The following OBP2B variants were observed in gnomAD, a reference collection of about 807,000 sequenced individuals.
OBP2B encodes the protein odorant-binding protein 2b.
In OBP2B, 10 loss-of-function variants were observed where a neutral mutation model predicts 21.7. The observed-to-expected ratio is 0.46, with a 90% CI of 0.28 to 0.78. The LOEUF is 0.78. Among genes scored for constraint, OBP2B ranks in the 30% least tolerant of loss-of-function variants. The pLI is 0.11. For synonymous variants in OBP2B, 73 were observed against 91.5 expected (o/e 0.80, Z 1.16); for missense variants, 153 against 217.7 (o/e 0.70, Z 1.87).
Position 133,206,354 on chromosome 9 carries a change from C to G in OBP2B, c.451G>C (p.Gly151Arg), listed in dbSNP as rs1833709446. 1 of 1,613,998 alleles carries G rather than the reference C, an allele frequency of 6.2e-7. No individual in the cohort carries two copies. Among genetic ancestry groups the G allele is most frequent in the South Asian group, 1.1e-5 (1 of 91,080 alleles). The change falls in exon 5 of 7, where the codon GGA becomes CGA. Residue 151 changes from glycine to arginine, a missense_variant. Transcript: ENST00000372034. ...GTGAAAATGTCCTCCTCCGAGAGTCCCTTGCGCTGCACCAATTTCTTAAAT... is the reference window on the plus strand; with the variant it reads ...GTGAAAATGTCCTCCTCCGAGAGTCGCTTGCGCTGCACCAATTTCTTAAAT... Reference protein sequence around the residue: ...EEFKKLVQRKGLSEEDIFTPL... With the variant: ...EEFKKLVQRKRLSEEDIFTPL...
the OBP2B span, among the ~76,000 whole-genome samples, chr9:133,218,831 T>C: frequency 2.6e-5 from 4 of 151,964 alleles, no homozygotes; most frequent in African/African-American, 4.8e-5. Flanking sequence ...AGGAAAGAGA[T>C]AGGAGAGCCC....
chr9:133,211,156 A>G (rs1833910328), upstream of OBP2B, among the ~76,000 whole-genome samples: 1 of 151,670 alleles, frequency 6.6e-6, no homozygotes, highest in Non-Finnish European at 1.5e-5. Flanking sequence ...GCACCACCAA[A>G]CAAGCACCTA....
chr9:133,207,935 T>C, intron 3 of OBP2B, 198 bp downstream of exon 3: 1 of 1,534,400 alleles, frequency 6.5e-7, no homozygotes, highest in Non-Finnish European at 8.7e-7. Context: ...CCATCTCGAC[T>C]GCGGACAAGC....
chr9:133,206,914 G>T (rs1478768542), intron 4 of OBP2B, among the ~76,000 whole-genome samples: 2 of 151,934 alleles, frequency 1.3e-5, no homozygotes, highest in Admixed American at 6.5e-5. Context: ...GCCCTGGAGG[G>T]TCCCTGCCCC....
rs140009577 is a variant in OBP2B, at chr9:133,209,167, G to A, written c.33C>T (p.Gly11=). 33,870 of 1,600,982 alleles carry A rather than the reference G, an allele frequency of 0.021. 179 individuals are homozygous for A. Among genetic ancestry groups the A allele is most frequent in the Non-Finnish European group, 0.024 (27,740 of 1,173,392 alleles). The change falls in exon 1 of 7, where the codon GGC becomes GGT. Residue 11 remains glycine (G), a synonymous_variant. Transcript: ENST00000372034. The surrounding 1 kb of genome is among the most constrained non-coding windows in gnomAD (Gnocchi z 6.0). MKTLFLGVTL[G]LAAALSFTLE... ...GGGTGAAGGACAGGGCAGCGGCCAG[G>A]CCGAGCGTGACACCCAGGAACAGGG...
At chr9:133,212,792 G>A (rs1284732901), upstream of OBP2B, among the ~76,000 whole-genome samples, 2 of 151,900 alleles carry the variant, frequency 1.3e-5, no homozygotes, top group African/African-American at 4.8e-5. Context: ...CTAGCTGAGT[G>A]TGGTGGTGCA....
intron 4 of OBP2B, 33 bp downstream of exon 4, chr9:133,207,193 G>A: frequency 7.0e-7 from 1 of 1,435,756 alleles, no homozygotes; most frequent in Non-Finnish European, 9.8e-7. Flanking sequence ...GAGACCGTGG[G>A]GCAGGACACG....
intron 1 of OBP2B, among the ~76,000 whole-genome samples, chr9:133,208,850 C>A (rs565043911): frequency 8.2e-4 from 125 of 152,132 alleles, no homozygotes; most frequent in African/African-American, 2.9e-3. Flanking sequence ...GCCCCAGCAC[C>A]AGGTGAGCCC....
chr9:133,205,507 G>A (rs1180495810), intron 6 of OBP2B, 96 bp from the exon 7 acceptor site: 70 of 865,798 alleles, frequency 8.1e-5, no homozygotes, highest in Middle Eastern at 3.6e-4. Context: ...CCCCCACATC[G>A]GCCACTGCTG....
At chr9:133,207,832 C>T in intron 3 of OBP2B, 1 of 1,481,700 alleles carries the variant, frequency 6.7e-7, no homozygotes, top group Non-Finnish European at 9.0e-7. Flanking sequence ...CCCTCAGCCT[C>T]CCCGTACCTA....
intron 3 of OBP2B, 40 bp from the exon 4 acceptor site, chr9:133,207,376 C>T (rs782158421): frequency 7.7e-7 from 1 of 1,304,032 alleles, no homozygotes; most frequent in Non-Finnish European, 1.1e-6. Context: ...CCAGAGAGAA[C>T]ACTCGGGGCC....
chr9:133,222,423 A>G, the OBP2B span, among the ~76,000 whole-genome samples: 8 of 152,294 alleles, frequency 5.3e-5, no homozygotes, highest in Admixed American at 4.6e-4. Flanking sequence ...TGTTTCTCCT[A>G]CAATGCAGAA....
At chr9:133,212,936 C>T (rs1368847085), upstream of OBP2B, among the ~76,000 whole-genome samples, 1 of 149,948 alleles carries the variant, frequency 6.7e-6, no homozygotes, top group Non-Finnish European at 1.5e-5. Flanking sequence ...TCAAAAAAAA[C>T]AAAAACAGGC....
the OBP2B span, among the ~76,000 whole-genome samples, chr9:133,219,914 T>C: frequency 6.6e-6 from 1 of 152,192 alleles, no homozygotes; most frequent in Non-Finnish European, 1.5e-5. Flanking sequence ...GGTGGTATTA[T>C]CCACACAATG....
At position 133,206,301 on chromosome 9, in the gene OBP2B, A is replaced by T. The variant is rs782207071; in HGVS notation, c.490+14T>A. 1 of 1,611,514 alleles carries T rather than the reference A, an allele frequency of 6.2e-7. No homozygotes were observed. Among genetic ancestry groups the T allele is most frequent in the South Asian group, 1.1e-5 (1 of 91,030 alleles). On this transcript the variant is annotated intron_variant, in intron 5 of 6. Transcript: ENST00000372034. ...AGCAGAGGGACACAGGGGACTGGGCACAGCCATCCTCACCCGTCTGCAGGG... is the reference window on the plus strand; with the variant it reads ...AGCAGAGGGACACAGGGGACTGGGCTCAGCCATCCTCACCCGTCTGCAGGG...
chr9:133,213,451 G>C (rs1833940342), upstream of OBP2B, among the ~76,000 whole-genome samples: 1 of 152,012 alleles, frequency 6.6e-6, no homozygotes, highest in Non-Finnish European at 1.5e-5. Context: ...ATCAAAAGCA[G>C]AAAGCAGAAA....
the OBP2B span, among the ~76,000 whole-genome samples, chr9:133,215,667 C>T: frequency 1.3e-5 from 2 of 152,138 alleles, no homozygotes; most frequent in Non-Finnish European, 2.9e-5. Context: ...TACAGATGCA[C>T]ACCACCATAC....
chr9:133,213,318 T>C (rs1833939121), upstream of OBP2B, among the ~76,000 whole-genome samples: 1 of 152,108 alleles, frequency 6.6e-6, no homozygotes, highest in Admixed American at 6.6e-5. Context: ...ATGCATATAT[T>C]AGAAAAGAGA....
rs1311508286 is a variant in OBP2B, at chr9:133,209,022, T to C, written c.72+106A>G. ...ACCACCCCAGGCTGGGAGCACGGGG[T>C]CAGAAGCCAGCCTTCAGTGACACCT... On this transcript the variant is annotated intron_variant, in intron 1 of 6. Coordinates refer to ENST00000372034, the MANE Select transcript of OBP2B (RefSeq NM_014581.4). This position sits in a 1 kb window ranked among gnomAD's most constrained non-coding sequence, Gnocchi z 6.0. 1 of 1,289,596 alleles carries C rather than the reference T, an allele frequency of 7.8e-7. No individual in the cohort carries two copies. Among genetic ancestry groups the C allele is most frequent in the African/African-American group, 1.5e-5 (1 of 66,282 alleles). 79.9% of individuals were successfully genotyped at this position (1,289,596 alleles called of 1,614,324 possible).
Sources: gnomAD v4.1 joint callset for allele counts (sites outside exome capture counted in the v4.1 genomes callset) on GRCh38, gnomAD v4.1.1 for gene constraint, Gnocchi (gnomAD v3.1) non-coding constraint, MANE v1.5 for transcripts, NCBI Gene and HGNC (gene_info 2026-07-23, HGNC 2026-07-21) for gene names.